The following FRMD6 variants were observed in gnomAD, a reference collection of about 807,000 sequenced individuals.
FRMD6 encodes FERM domain containing 6.
A neutral mutation model predicts 73.2 loss-of-function variants in FRMD6; 37 were observed. That is an observed-to-expected ratio of 0.51 (90% CI 0.39 to 0.66). FRMD6 has a LOEUF of 0.66. Among genes scored for constraint, FRMD6 ranks in the 30% least tolerant of loss-of-function variants. The pLI, the probability that FRMD6 is intolerant of heterozygous loss-of-function variation, is 0.00. For missense variants in FRMD6, 714 were observed against 780.5 expected (o/e 0.91, Z 1.02); for synonymous variants, 273 against 282.2 (o/e 0.97, Z 0.33).
At chr14:51,705,527 A>G (rs1168050750) in intron 6 of FRMD6, among the ~76,000 whole-genome samples, 1 of 151,938 alleles carries the variant, frequency 6.6e-6, no homozygotes, top group African/African-American at 2.4e-5. Context: ...CCCCTCCCCA[A>G]AGTAACTCTT....
the FRMD6 span, among the ~76,000 whole-genome samples, chr14:51,452,959 T>A: frequency 6.6e-6 from 1 of 152,316 alleles, no homozygotes; most frequent in East Asian, 1.9e-4. Context: ...GGGAGCCAGG[T>A]TGCTTCCAGG....
rs751625816 is a variant in FRMD6 at position 51,691,586 on chromosome 14, TG to T, written c.99+1652del. ...TATTTTTATTTATTTATTTTGATTT[TG>T]ATTTTTTTTTTTTTTTTTTTTTTTT... is the stretch of plus-strand genomic sequence containing the variant. On this transcript the variant is annotated intron_variant, in intron 2 of 13. Transcript: ENST00000344768. Among the ~76,000 whole-genome samples, 1,048 of 107,702 alleles carry T rather than the reference TG, an allele frequency of 9.7e-3. 38 individuals carry two copies. Among genetic ancestry groups the T allele is most frequent in the Non-Finnish European group, 0.015 (737 of 48,082 alleles). 70.7% of individuals were successfully genotyped at this position (107,702 alleles called of 152,430 possible).
intron 1 of FRMD6, among the ~76,000 whole-genome samples, chr14:51,501,359 C>G (rs938347266): frequency 2.6e-5 from 4 of 152,138 alleles, no homozygotes; most frequent in Non-Finnish European, 5.9e-5. Context: ...TCCTGATGCT[C>G]TCCCTCCCCC....
chr14:51,619,620 C>T (rs1283342477), intron 2 of FRMD6, among the ~76,000 whole-genome samples: 1 of 152,158 alleles, frequency 6.6e-6, no homozygotes, highest in East Asian at 1.9e-4. Flanking sequence ...CTACTCCACA[C>T]TAAGAGCATA....
intron 1 of FRMD6, chr14:51,547,612 G>A (rs1367151483): frequency 2.0e-5 from 3 of 152,208 alleles, no homozygotes; most frequent in Non-Finnish European, 2.9e-5. Context: ...TGAGTATGGA[G>A]TGATTTAAGG....
At chr14:51,407,287 A>G in the FRMD6 span, among the ~76,000 whole-genome samples, 2 of 151,846 alleles carry the variant, frequency 1.3e-5, no homozygotes, top group Admixed American at 6.6e-5. Context: ...TTCTTTTTTC[A>G]TATTGTCCTT....
intron 1 of FRMD6, among the ~76,000 whole-genome samples, chr14:51,548,678 A>G (rs1466124968): frequency 6.6e-6 from 1 of 152,242 alleles, no homozygotes; most frequent in Non-Finnish European, 1.5e-5. Flanking sequence ...TTAAAGGCTG[A>G]AGCACTTCTG....
chr14:51,544,762 C>CT (rs1187664252), intron 1 of FRMD6, among the ~76,000 whole-genome samples: 2 of 151,594 alleles, frequency 1.3e-5, no homozygotes, highest in Non-Finnish European at 2.9e-5. Context: ...CCTCTACTTG[C>CT]GAGCCAAGAG....
At chr14:51,446,895 T>A in the FRMD6 span, among the ~76,000 whole-genome samples, 1 of 152,118 alleles carries the variant, frequency 6.6e-6, no homozygotes, top group Non-Finnish European at 1.5e-5. Flanking sequence ...AGGAGATCCA[T>A]CATGACGACC....
chr14:51,410,282 A>G, the FRMD6 span, among the ~76,000 whole-genome samples: 2 of 152,108 alleles, frequency 1.3e-5, no homozygotes, highest in East Asian at 3.9e-4. Context: ...ACCTGTATCT[A>G]TAGGTTATTT....
intron 6 of FRMD6, 122 bp from the exon 7 acceptor site, chr14:51,707,955 AT>A: frequency 1.2e-6 from 1 of 825,978 alleles, no homozygotes; most frequent in Middle Eastern, 2.6e-4. Flanking sequence ...TGAATTTTCA[AT>A]GCAAACCAAC....
chr14:51,432,428 A>T, the FRMD6 span, among the ~76,000 whole-genome samples: 2 of 152,186 alleles, frequency 1.3e-5, no homozygotes, highest in Non-Finnish European at 2.9e-5. Context: ...AGAGGAATTC[A>T]CAGTGGTCTG....
At chr14:51,706,635 C>T (rs1027716546) in intron 6 of FRMD6, among the ~76,000 whole-genome samples, 2 of 152,050 alleles carry the variant, frequency 1.3e-5, no homozygotes, top group African/African-American at 2.4e-5. Context: ...TCTGTTTCAC[C>T]TGGCTAACTC....
At chr14:51,477,711 T>C in the FRMD6 span, among the ~76,000 whole-genome samples, 2 of 123,114 alleles carry the variant, frequency 1.6e-5, no homozygotes, top group African/African-American at 5.8e-5. Flanking sequence ...TTCTTTTTCT[T>C]TTCTTTCTTT....
intron 1 of FRMD6, among the ~76,000 whole-genome samples, chr14:51,555,026 G>A (rs900620767): frequency 5.9e-5 from 9 of 152,088 alleles, no homozygotes; most frequent in African/African-American, 2.2e-4. Flanking sequence ...AGCCATCCTG[G>A]CCTGCACTAG....
At chr14:51,407,441 A>G in the FRMD6 span, among the ~76,000 whole-genome samples, 2 of 151,698 alleles carry the variant, frequency 1.3e-5, no homozygotes, top group African/African-American at 4.8e-5. Flanking sequence ...AGCCATCCAA[A>G]TATTGGCTTC....
chr14:51,666,511 C>A (rs1194915301), intron 1 of FRMD6, among the ~76,000 whole-genome samples: 1 of 152,158 alleles, frequency 6.6e-6, no homozygotes, highest in Non-Finnish European at 1.5e-5. Flanking sequence ...TGCTGTGAGA[C>A]TTCGGGGCAG....
chr14:51,663,453 G>A (rs1893368833), intron 1 of FRMD6, among the ~76,000 whole-genome samples: 1 of 152,228 alleles, frequency 6.6e-6, no homozygotes, highest in African/African-American at 2.4e-5. Flanking sequence ...ATGCGATCAT[G>A]TCCTTTGAGG....
At chr14:51,586,863 T>C (rs897722533) in intron 2 of FRMD6, among the ~76,000 whole-genome samples, 1 of 152,064 alleles carries the variant, frequency 6.6e-6, no homozygotes, top group South Asian at 2.1e-4. Flanking sequence ...CCCGCCTCCA[T>C]CTCCTAAGTA....
Sources: gnomAD v4.1 joint callset for allele counts (sites outside exome capture counted in the v4.1 genomes callset) on GRCh38, gnomAD v4.1.1 for gene constraint, MANE v1.5 for transcripts, NCBI Gene and HGNC (gene_info 2026-07-23, HGNC 2026-07-21) for gene names.